CHIC2: variants seen among roughly 807,000 people sequenced by gnomAD.
The protein encoded by CHIC2 is cysteine-rich hydrophobic domain-containing protein 2.
Under a neutral mutation model 25.9 loss-of-function variants are expected in CHIC2, and 14 were observed. The ratio of observed to expected loss-of-function variants is 0.54; its 90% CI spans 0.36 to 0.85. The LOEUF (loss-of-function observed/expected upper bound fraction) is 0.85, where lower values mean the gene tolerates loss of function less well. Among genes scored for constraint, CHIC2 ranks in the 40% least tolerant of loss-of-function variants. CHIC2 has a pLI of 0.01. For synonymous variants in CHIC2, 70 were observed against 72.0 expected (o/e 0.97, Z 0.14); for missense variants, 146 against 202.0 (o/e 0.72, Z 1.68).
the CHIC2 span, among the ~76,000 whole-genome samples, chr4:54,090,255 C>A: frequency 2.6e-5 from 4 of 152,138 alleles, no homozygotes; most frequent in Admixed American, 6.5e-5. Flanking sequence ...GGTGCAATCT[C>A]GGCTCACTGC....
At chr4:54,064,804 C>T, upstream of CHIC2, 1 of 297,374 alleles carries the variant, frequency 3.4e-6, no homozygotes, top group Non-Finnish European at 5.0e-6. The surrounding 1 kb of genome is among the most constrained non-coding windows in gnomAD (Gnocchi z 4.2). Flanking sequence ...AGACGGCGAC[C>T]GGGGCGCGCG....
chr4:54,071,481 G>A, the CHIC2 span, among the ~76,000 whole-genome samples: 1 of 152,214 alleles, frequency 6.6e-6, no homozygotes, highest in African/African-American at 2.4e-5. Flanking sequence ...GAAGTACAAG[G>A]AAGTTAGGTA....
chr4:54,056,387 G>A lies in CHIC2; in HGVS notation c.120-7082C>T, dbSNP rs542761867. On this transcript the variant is annotated intron_variant, in intron 1 of 5. Transcript: ENST00000263921. ...TAAATCTTAAGAGCAAAATAATGATGCTAAATTATGTTCATTTAAGCAAAA... is the reference window on the plus strand; with the variant it reads ...TAAATCTTAAGAGCAAAATAATGATACTAAATTATGTTCATTTAAGCAAAA... Among the ~76,000 whole-genome samples the A allele has an allele frequency of 2.0e-5, 3 of 152,166 alleles. No individual in the cohort carries two copies. The East Asian group carries it at 5.8e-4, about 29-fold the overall frequency.
At chr4:54,051,622 C>T (rs1344299137) in intron 1 of CHIC2, among the ~76,000 whole-genome samples, 2 of 151,892 alleles carry the variant, frequency 1.3e-5, no homozygotes, top group African/African-American at 4.8e-5. Flanking sequence ...TTTGGATTTA[C>T]TTATATATCT....
chr4:54,047,164 G>T (rs1015680375), intron 3 of CHIC2, among the ~76,000 whole-genome samples: 2 of 152,178 alleles, frequency 1.3e-5, no homozygotes, highest in Non-Finnish European at 2.9e-5. Flanking sequence ...TGCTGGAGAG[G>T]ATGTGGAGAA....
At chr4:54,091,879 C>A in the CHIC2 span, among the ~76,000 whole-genome samples, 1 of 152,226 alleles carries the variant, frequency 6.6e-6, no homozygotes, top group Non-Finnish European at 1.5e-5. Context: ...CAGACACACT[C>A]AAGGACTCCC....
chr4:54,060,918 A>G (rs1432916342), intron 1 of CHIC2: 1 of 152,166 alleles, frequency 6.6e-6, no homozygotes, highest in African/African-American at 2.4e-5. Context: ...ATGCAATAAC[A>G]GGAATTTATC....
At chr4:54,054,603 T>G (rs1012464487) in intron 1 of CHIC2, among the ~76,000 whole-genome samples, 3 of 151,954 alleles carry the variant, frequency 2.0e-5, no homozygotes, top group South Asian at 4.1e-4. Flanking sequence ...CTAGAGAGAG[T>G]AGTCTGTTAC....
At chr4:54,014,622 A>T (rs183399567) in intron 3 of CHIC2, among the ~76,000 whole-genome samples, 22 of 152,308 alleles carry the variant, frequency 1.4e-4, no homozygotes, top group Non-Finnish European at 4.4e-5. Context: ...TTTAAAAGCC[A>T]GCTTACTGAT....
chr4:54,013,450 G>C (rs56337429), intron 5 of CHIC2, among the ~76,000 whole-genome samples: 3,533 of 152,136 alleles, frequency 0.023, 134 homozygotes, highest in African/African-American at 0.08. Flanking sequence ...CAATGGCTTG[G>C]CTGAAAGGTT....
the CHIC2 span, chr4:54,087,591 G>A: frequency 2.5e-6 from 2 of 813,398 alleles, no homozygotes; most frequent in Admixed American, 3.1e-5. Context: ...CAGGTTTAAG[G>A]GGCACACACC....
chr4:54,033,662 C>T (rs893247518), intron 3 of CHIC2, among the ~76,000 whole-genome samples: 1 of 152,104 alleles, frequency 6.6e-6, no homozygotes, highest in Non-Finnish European at 1.5e-5. Flanking sequence ...TTAGGTTTTA[C>T]ATTTTGAGTT....
the CHIC2 span, among the ~76,000 whole-genome samples, chr4:54,088,825 T>C: frequency 3.3e-5 from 5 of 152,204 alleles, no homozygotes; most frequent in African/African-American, 9.6e-5. Context: ...CAGTTTCCAG[T>C]TACATTTGAA....
In CHIC2 at chr4:54,009,961, AAAAC is replaced by A. The variant is rs1715526990; in HGVS notation, c.*130_*133del. The A allele has an allele frequency of 3.1e-5, 16 of 519,846 alleles. No individual in the cohort carries two copies. The highest frequency in any genetic ancestry group is 3.7e-5 in the Non-Finnish European group (11 of 295,466). The allele number at this position is 519,846 out of a possible 1,614,324, so 32.2% of individuals were successfully genotyped here. On this transcript the variant is annotated 3_prime_UTR_variant, in exon 6 of 6. Coordinates refer to ENST00000263921, the MANE Select transcript of CHIC2 (RefSeq NM_012110.4). ...TTAGAACATGCGGTTATTTAAAAAA[AAAAC>A]AAAAACAAAAACAAAAAAAACACCA... is the stretch of plus-strand genomic sequence containing the variant.
the CHIC2 span, among the ~76,000 whole-genome samples, chr4:54,088,446 A>C: frequency 1.3e-5 from 2 of 152,222 alleles, no homozygotes; most frequent in Non-Finnish European, 2.9e-5. Context: ...ATTTCAAAGC[A>C]AAAAAGAAAA....
At chr4:54,017,751 A>G (rs1560381530) in intron 3 of CHIC2, among the ~76,000 whole-genome samples, 2 of 152,170 alleles carry the variant, frequency 1.3e-5, no homozygotes, top group South Asian at 2.1e-4. Flanking sequence ...GTCTGGAAGT[A>G]GACAGCTCCA....
At chr4:54,072,016 T>C in the CHIC2 span, among the ~76,000 whole-genome samples, 5 of 148,134 alleles carry the variant, frequency 3.4e-5, no homozygotes, top group Non-Finnish European at 6.0e-5. Flanking sequence ...TAATTTAGGC[T>C]GGGTGCGGTG....
intron 3 of CHIC2, among the ~76,000 whole-genome samples, chr4:54,019,495 C>A (rs942010624): frequency 2.0e-5 from 3 of 152,012 alleles, no homozygotes; most frequent in African/African-American, 4.8e-5. Context: ...TTAATAGGTG[C>A]TAATCTTAAA....
intron 3 of CHIC2, among the ~76,000 whole-genome samples, chr4:54,036,080 C>T (rs554594697): frequency 3.3e-5 from 5 of 152,012 alleles, no homozygotes; most frequent in South Asian, 2.1e-4. Context: ...GTTTTGAATC[C>T]CTTTAAATTT....
Sources: gnomAD v4.1 joint callset for allele counts (sites outside exome capture counted in the v4.1 genomes callset) on GRCh38, gnomAD v4.1.1 for gene constraint, Gnocchi (gnomAD v3.1) non-coding constraint, MANE v1.5 for transcripts, NCBI Gene and HGNC (gene_info 2026-07-23, HGNC 2026-07-21) for gene names.